The following NRG3 variants were observed in gnomAD, a reference collection of about 807,000 sequenced individuals.
NRG3 encodes pro-neuregulin-3, membrane-bound isoform.
Under a neutral mutation model 66.9 loss-of-function variants are expected in NRG3, and 31 were observed. The ratio of observed to expected loss-of-function variants is 0.46; its 90% CI spans 0.35 to 0.63. The LOEUF is 0.63. Ranked by LOEUF, NRG3 falls within the 20% of genes least tolerant of loss-of-function variation. NRG3 has a pLI of 0.00. For missense variants in NRG3, 910 were observed against 878.9 expected, an observed-to-expected ratio of 1.04 and a Z score of -0.45; for synonymous variants, 393 against 359.4, an observed-to-expected ratio of 1.09 and a Z score of -1.06.
chr10:82,461,226 ACACCACCAC>A (rs377700934), intron 2 of NRG3, among the ~76,000 whole-genome samples: 1,802 of 147,928 alleles, frequency 0.012, 17 homozygotes, highest in Middle Eastern at 0.08. Flanking sequence ...ACCACCATCA[ACACCACCAC>A]CACCACCACC....
At position 82,358,809 on chromosome 10, in the gene NRG3, T is replaced by C. The variant is rs759488158; in HGVS notation, c.894T>C (p.Cys298=). 20 of 1,614,128 alleles carry C rather than the reference T, an allele frequency of 1.2e-5. No homozygotes were observed. Among genetic ancestry groups the C allele is most frequent in the Middle Eastern group, 3.3e-4 (2 of 6,060 alleles). The change falls in exon 2 of 9, where the codon TGT becomes TGC. Residue 298 remains cysteine (C), a synonymous_variant. Coordinates refer to ENST00000372141, the MANE Select transcript of NRG3 (RefSeq NM_001010848.4). The part of the protein sequence containing the change: ...KPCRDKDLAY[C]LNDGECFVIE... Reference sequence around the variant, plus strand: ...GCCGAGACAAGGACCTTGCATACTGTCTCAATGATGGCGAGTGCTTTGTGA... The same window carrying C: ...GCCGAGACAAGGACCTTGCATACTGCCTCAATGATGGCGAGTGCTTTGTGA...
At chr10:82,925,556 A>C (rs1443959522) in intron 4 of NRG3, among the ~76,000 whole-genome samples, 1 of 152,228 alleles carries the variant, frequency 6.6e-6, no homozygotes, top group African/African-American at 2.4e-5. Context: ...ATGGCCTCGC[A>C]GAATAGGGAC....
At position 82,491,340 on chromosome 10, in the gene NRG3, A is replaced by C. The variant is rs73307838; in HGVS notation, c.953+132472A>C. On this transcript the variant is annotated intron_variant, in intron 2 of 8. Transcript: ENST00000372141. ...TAAAATAAAGATGCATCGCTTTCTA[A>C]CACTCTAGATAATGTGTTTATTTAG... 3.1e-3 allele frequency among the ~76,000 whole-genome samples: 445 copies of C among 143,718 alleles called. 4 individuals are homozygous for C. The highest frequency in any genetic ancestry group is 0.011 in the African/African-American group (426 of 39,834). 94.3% of individuals were successfully genotyped at this position (143,718 alleles called of 152,430 possible).
chr10:82,577,525 A>G (rs1802032594), intron 2 of NRG3, among the ~76,000 whole-genome samples: 1 of 151,834 alleles, frequency 6.6e-6, no homozygotes, highest in South Asian at 2.1e-4. Flanking sequence ...TATCATTGAT[A>G]TTTAGGTATT....
chr10:82,193,543 T>G (rs776640168), intron 1 of NRG3, among the ~76,000 whole-genome samples: 1 of 152,194 alleles, frequency 6.6e-6, no homozygotes, highest in Non-Finnish European at 1.5e-5. Context: ...AAATTGTCAG[T>G]GTCTGGGTAG....
In NRG3 at chr10:82,019,729, G is replaced by T. The variant is rs1394133543; in HGVS notation, c.823+143566G>T. ...GATTTTCTAGTTTATTTGCGTAGAG[G>T]TGTTTATAGTATTCTCTGATGGTAG... is the stretch of plus-strand genomic sequence containing the variant. On this transcript the variant is annotated intron_variant, in intron 1 of 8. Transcript: ENST00000372141. Among the ~76,000 whole-genome samples, 6 of 152,114 alleles carry T rather than the reference G, an allele frequency of 3.9e-5. No individual in the cohort carries two copies. The East Asian group carries it at 7.7e-4, about 20-fold the overall frequency.
chr10:82,753,989 T>C (rs941013969), intron 3 of NRG3, among the ~76,000 whole-genome samples: 1 of 151,814 alleles, frequency 6.6e-6, no homozygotes, highest in Non-Finnish European at 1.5e-5. Flanking sequence ...ATTTATTCAC[T>C]AATATTTCTA....
At chr10:81,939,802 A>G (rs1368236272) in intron 1 of NRG3, among the ~76,000 whole-genome samples, 2 of 146,562 alleles carry the variant, frequency 1.4e-5, no homozygotes, top group East Asian at 4.0e-4. Flanking sequence ...TTATTTTTTC[A>G]TTCTGCTAAC....
intron 1 of NRG3, among the ~76,000 whole-genome samples, chr10:82,277,312 T>A (rs1207258661): frequency 1.3e-5 from 2 of 152,074 alleles, no homozygotes; most frequent in Non-Finnish European, 2.9e-5. Flanking sequence ...CTTGCTGATA[T>A]GATTGTAAGT....
At chr10:82,828,426 C>T (rs2062349356) in intron 3 of NRG3, among the ~76,000 whole-genome samples, 2 of 152,140 alleles carry the variant, frequency 1.3e-5, no homozygotes, top group East Asian at 1.9e-4. Context: ...AGGAAACAGG[C>T]CAGGGAGGTT....
chr10:82,615,262 T>G (rs2048569939), intron 2 of NRG3, among the ~76,000 whole-genome samples: 2 of 152,164 alleles, frequency 1.3e-5, no homozygotes, highest in South Asian at 4.1e-4. Context: ...GATTGATATG[T>G]TATCTGATTA....
intron 2 of NRG3, among the ~76,000 whole-genome samples, chr10:82,644,625 T>TTTAAATATTCATTTAAATAGAG (rs2050810316): frequency 6.6e-6 from 1 of 152,200 alleles, no homozygotes; most frequent in African/African-American, 2.4e-5. Context: ...TAAATGAATG[T>TTTAAATATTCATTTAAATAGAG]GCAAATAGAG....
At chr10:82,664,232 A>G (rs2052587187) in intron 2 of NRG3, among the ~76,000 whole-genome samples, 1 of 152,146 alleles carries the variant, frequency 6.6e-6, no homozygotes, top group African/African-American at 2.4e-5. Context: ...TTTAAATAAT[A>G]CTGCCATACA....
chr10:82,125,261 A>ATGTG (rs751692375), intron 1 of NRG3, among the ~76,000 whole-genome samples: 1 of 151,212 alleles, frequency 6.6e-6, no homozygotes, highest in Admixed American at 6.6e-5. Flanking sequence ...GTGTGTGTTT[A>ATGTG]TGTGTGTGTG....
chr10:81,894,682 G>T (rs1843357226), intron 1 of NRG3, among the ~76,000 whole-genome samples: 1 of 152,166 alleles, frequency 6.6e-6, no homozygotes, highest in Non-Finnish European at 1.5e-5. Flanking sequence ...CTCTCTCTGA[G>T]TGTAGACAGT....
chr10:82,334,136 CAAAA>C (rs34320765), intron 1 of NRG3, among the ~76,000 whole-genome samples: 1 of 89,892 alleles, frequency 1.1e-5, no homozygotes, highest in East Asian at 2.6e-4. Context: ...CATGGCGTCT[CAAAA>C]AAAAAAAAAA....
chr10:82,861,603 G>T (rs1242051886), intron 3 of NRG3, among the ~76,000 whole-genome samples: 2 of 152,168 alleles, frequency 1.3e-5, no homozygotes, highest in African/African-American at 4.8e-5. Flanking sequence ...CATATCCCTT[G>T]TCACATCCGG....
At chr10:82,196,423 C>T (rs2074451914) in intron 1 of NRG3, among the ~76,000 whole-genome samples, 1 of 152,154 alleles carries the variant, frequency 6.6e-6, no homozygotes, top group South Asian at 2.1e-4. Flanking sequence ...TTTTGAAGCA[C>T]TAGAAAGTAC....
chr10:82,111,203 T>C (rs1564572629), intron 1 of NRG3, among the ~76,000 whole-genome samples: 1 of 152,210 alleles, frequency 6.6e-6, no homozygotes, highest in African/African-American at 2.4e-5. Flanking sequence ...CCAGACTTTA[T>C]TCAGAAAGCT....
Sources: allele counts gnomAD v4.1 joint callset (sites outside exome capture counted in the v4.1 genomes callset), GRCh38; gene constraint gnomAD v4.1.1; transcripts MANE v1.5; gene names NCBI Gene and HGNC (gene_info 2026-07-23, HGNC 2026-07-21).